Variants in PRDM16 observed in about 807,000 individuals in gnomAD.
PRDM16 encodes histone-lysine N-methyltransferase PRDM16.
Under a neutral mutation model 110.6 loss-of-function variants are expected in PRDM16, and 23 were observed. The ratio of observed to expected loss-of-function variants is 0.21; its 90% CI spans 0.15 to 0.29. The LOEUF (loss-of-function observed/expected upper bound fraction) is 0.29. Among genes scored for constraint, PRDM16 ranks in the 10% least tolerant of loss-of-function variants. The pLI, the probability that PRDM16 is intolerant of heterozygous loss-of-function variation, is 1.00. For synonymous variants in PRDM16, 799 were observed against 781.8 expected (o/e 1.02, Z -0.37); for missense variants, 1,615 against 1,794.3 (o/e 0.90, Z 1.81).
At chr1:3,386,412 C>T (rs1047152574) in intron 4 of PRDM16, among the ~76,000 whole-genome samples, 1 of 152,192 alleles carries the variant, frequency 6.6e-6, no homozygotes, top group Admixed American at 6.5e-5. Context: ...CCCGCAGGCC[C>T]CGGCTGGCTG....
intron 3 of PRDM16, among the ~76,000 whole-genome samples, chr1:3,310,350 A>G (rs988327177): frequency 6.6e-6 from 1 of 151,986 alleles, no homozygotes; most frequent in Non-Finnish European, 1.5e-5. Flanking sequence ...CATCTTCCTA[A>G]AGCGACCCGG....
intron 1 of PRDM16, among the ~76,000 whole-genome samples, chr1:3,129,100 G>A (rs1475840885): frequency 6.6e-6 from 1 of 152,072 alleles, no homozygotes; most frequent in African/African-American, 2.4e-5. Context: ...CCTGGCTGGT[G>A]TGCGTGCATG....
Position 3,181,385 on chromosome 1 carries a change from CGGCCTTACGCAT to C in PRDM16, c.38-4737_38-4726del, listed in dbSNP as rs1449643219. On this transcript the variant is annotated intron_variant, in intron 1 of 16. Transcript: ENST00000270722. ...GGTCTTACACACGCAGTCTTACACA[CGGCCTTACGCAT>C]GGTCTTACACACGCAGTCTTACACA... Among the ~76,000 whole-genome samples, 197 of 20,216 alleles carry C rather than the reference CGGCCTTACGCAT, an allele frequency of 9.7e-3. 26 individuals are homozygous for C. Among genetic ancestry groups the C allele is most frequent in the Non-Finnish European group, 0.021 (114 of 5,476 alleles). The allele number at this position is 20,216 out of a possible 152,430, so 13.3% of individuals were successfully genotyped here.
intron 2 of PRDM16, among the ~76,000 whole-genome samples, chr1:3,221,521 A>G (rs1639149809): frequency 6.6e-6 from 1 of 152,252 alleles, no homozygotes; most frequent in African/African-American, 2.4e-5. Context: ...TTCTTTAGTC[A>G]AAATAAAGCA....
chr1:3,376,201 G>T (rs1276178983), intron 3 of PRDM16, among the ~76,000 whole-genome samples: 1 of 152,168 alleles, frequency 6.6e-6, no homozygotes, highest in Non-Finnish European at 1.5e-5. Flanking sequence ...CATGGCATTT[G>T]GGGTGTCTCC....
chr1:3,154,268 A>G (rs1246753424), intron 1 of PRDM16, among the ~76,000 whole-genome samples: 1 of 150,836 alleles, frequency 6.6e-6, no homozygotes, highest in African/African-American at 2.4e-5. Context: ...GGGCTGGCGC[A>G]CTCTCCCTGG....
At chr1:3,129,059 T>G (rs79143856) in intron 1 of PRDM16, among the ~76,000 whole-genome samples, 15,249 of 151,998 alleles carry the variant, frequency 0.1, 1,892 homozygotes, top group African/African-American at 0.28. Flanking sequence ...CATGTGTGTG[T>G]GGGGGGTTGC....
chr1:3,412,043 G>C lies in PRDM16; in HGVS notation c.1846G>C (p.Asp616His). ...DVNTTTGTDLDTTTGTGSDLD... is the reference protein window; with the variant it reads ...DVNTTTGTDLHTTTGTGSDLD... ...CAACACCACCACGGGGACCGACCTG[G>C]ACACGACCACGGGGACGGGCTCGGA... Residue 616 changes from aspartate to histidine, a missense_variant, in exon 9 of 17, where the codon GAC (aspartate) becomes CAC (histidine). Asp to His is a moderately conservative substitution (Grantham distance 81). Around this residue, in one of 5 missense-constraint regions of PRDM16, gnomAD observed 772 missense variants for 748.3 expected, o/e 1.03. Transcript: ENST00000270722. 6.2e-7 allele frequency: 1 copy of C among 1,612,390 alleles called. No individual in the cohort carries two copies. Among genetic ancestry groups the C allele is most frequent in the East Asian group, 2.2e-5 (1 of 44,834 alleles).
intron 3 of PRDM16, among the ~76,000 whole-genome samples, chr1:3,256,963 A>C (rs1294556917): frequency 6.6e-6 from 1 of 152,262 alleles, no homozygotes; most frequent in Admixed American, 6.5e-5. Context: ...GTGTCTGAAA[A>C]GGCTGATTGG....
intron 3 of PRDM16, among the ~76,000 whole-genome samples, chr1:3,337,500 C>T (rs1426995842): frequency 6.6e-6 from 1 of 152,150 alleles, no homozygotes; most frequent in African/African-American, 2.4e-5. Context: ...GAGTAGGGGC[C>T]ATGCCAGGTC....
chr1:3,136,142 G>A (rs762786266), intron 1 of PRDM16, among the ~76,000 whole-genome samples: 7 of 152,132 alleles, frequency 4.6e-5, no homozygotes, highest in Non-Finnish European at 8.8e-5. Flanking sequence ...GGGCAGCCTC[G>A]CCATGGGACC....
At chr1:3,141,966 T>C (rs1643558518) in intron 1 of PRDM16, among the ~76,000 whole-genome samples, 1 of 152,228 alleles carries the variant, frequency 6.6e-6, no homozygotes, top group African/African-American at 2.4e-5. Context: ...ACGAGAACAC[T>C]CATGGTGCAC....
intron 3 of PRDM16, among the ~76,000 whole-genome samples, chr1:3,315,753 T>G (rs1316471701): frequency 6.6e-6 from 1 of 152,270 alleles, no homozygotes; most frequent in Non-Finnish European, 1.5e-5. Flanking sequence ...ATTTAGAGCA[T>G]CCCCGGCGAC....
intron 6 of PRDM16, 137 bp downstream of exon 6, chr1:3,403,135 C>A: frequency 1.2e-6 from 1 of 824,862 alleles, no homozygotes; most frequent in South Asian, 1.6e-5. Flanking sequence ...GACAAAGGGC[C>A]CCCTGGTGGG....
chr1:3,148,177 G>GC lies in PRDM16; in HGVS notation c.38-37943dup, dbSNP rs768255326. Among the ~76,000 whole-genome samples, 3 of 152,090 alleles carry GC rather than the reference G, an allele frequency of 2.0e-5. No homozygotes were observed. The highest frequency in any genetic ancestry group is 2.9e-5 in the Non-Finnish European group (2 of 68,016). On this transcript the variant is annotated intron_variant, in intron 1 of 16. Transcript: ENST00000270722. This position sits in a 1 kb window ranked among gnomAD's most constrained non-coding sequence, Gnocchi z 5.0. ...GGGCTGGGCTGAGAGGTGGGAAGGA[G>GC]CCCCCGGATGAGTGAAGAAGCTGGG...
intron 1 of PRDM16, among the ~76,000 whole-genome samples, chr1:3,177,279 C>T (rs1199507673): frequency 6.6e-6 from 1 of 152,208 alleles, no homozygotes. Flanking sequence ...CATCTATTCA[C>T]ACTCCCACCC....
intron 3 of PRDM16, among the ~76,000 whole-genome samples, chr1:3,277,441 C>A (rs1411174434): frequency 6.6e-6 from 1 of 152,260 alleles, no homozygotes; most frequent in African/African-American, 2.4e-5. Context: ...CCATGGGGCG[C>A]ACTTGCTCAG....
At chr1:3,431,906 G>C (rs1638779146) in intron 15 of PRDM16, 60 bp from the exon 16 acceptor site, 2 of 1,562,260 alleles carry the variant, frequency 1.3e-6, no homozygotes, top group Admixed American at 3.5e-5. Flanking sequence ...CAGCATCAGA[G>C]AGGCGGCCAA....
intron 3 of PRDM16, among the ~76,000 whole-genome samples, chr1:3,314,596 C>T (rs899713654): frequency 5.9e-5 from 9 of 152,050 alleles, no homozygotes; most frequent in Non-Finnish European, 7.4e-5. Context: ...CTCTCCCCCC[C>T]TCCCTCCTTC....
Sources: allele counts gnomAD v4.1 joint callset (sites outside exome capture counted in the v4.1 genomes callset), GRCh38; gene constraint gnomAD v4.1.1; regional missense constraint gnomAD v4.1.1; non-coding constraint Gnocchi (gnomAD v3.1); transcripts MANE v1.5; gene names NCBI Gene and HGNC (gene_info 2026-07-23, HGNC 2026-07-21).